The following NHSL3 variants were observed in gnomAD, a reference collection of about 807,000 sequenced individuals.
NHSL3 encodes NHS like 3, also known as NHS-like protein 3.
the NHSL3 span, among the ~76,000 whole-genome samples, chr1:32,762,879 C>T: frequency 6.6e-5 from 10 of 151,996 alleles, no homozygotes; most frequent in Admixed American, 2.0e-4. Context: ...TGGGCCACCA[C>T]GCCCGGCCCG....
the NHSL3 span, among the ~76,000 whole-genome samples, chr1:32,750,010 C>T: frequency 1.3e-5 from 2 of 152,162 alleles, no homozygotes; most frequent in East Asian, 3.8e-4. Context: ...CTCAGCTGCT[C>T]ATGGCCTGTC....
the NHSL3 span, chr1:32,742,269 C>A: frequency 1.7e-6 from 2 of 1,207,600 alleles, no homozygotes; most frequent in Non-Finnish European, 2.1e-6. Context: ...GGTCCGCGCG[C>A]GGCGTGTTGG....
At chr1:32,754,300 C>T in the NHSL3 span, 2 of 577,488 alleles carry the variant, frequency 3.5e-6, no homozygotes, top group Non-Finnish European at 6.4e-6. Flanking sequence ...CGGGAATCCC[C>T]GCGCAGACCC....
At chr1:32,754,078 C>T in the NHSL3 span, 1 of 659,950 alleles carries the variant, frequency 1.5e-6, no homozygotes, top group Admixed American at 2.4e-5. Flanking sequence ...CGCGCCGGCT[C>T]CCGCACCCGC....
the NHSL3 span, chr1:32,773,272 A>C: frequency 3.2e-5 from 8 of 250,072 alleles, no homozygotes; most frequent in Non-Finnish European, 6.3e-5. Flanking sequence ...ACTATAGTCC[A>C]GAATCAAAGC....
the NHSL3 span, chr1:32,768,607 G>A: frequency 5.0e-6 from 8 of 1,607,406 alleles, no homozygotes; most frequent in East Asian, 1.6e-4. Flanking sequence ...CCAATGGGGA[G>A]CCTTGAGGAG....
chr1:32,762,095 C>T, the NHSL3 span, among the ~76,000 whole-genome samples: 1 of 152,204 alleles, frequency 6.6e-6, no homozygotes, highest in Non-Finnish European at 1.5e-5. Flanking sequence ...AAAGTGCCTA[C>T]TTCTTAGGAT....
chr1:32,753,396 A>G, the NHSL3 span, among the ~76,000 whole-genome samples: 4 of 151,784 alleles, frequency 2.6e-5, no homozygotes, highest in Admixed American at 2.6e-4. Context: ...GAGGCAGGAG[A>G]ATCGTTTGAA....
chr1:32,756,470 A>ACCCCCCCCCCCCC, the NHSL3 span, among the ~76,000 whole-genome samples: 8 of 50,488 alleles, frequency 1.6e-4, no homozygotes, highest in Admixed American at 3.4e-4. Flanking sequence ...ACATGACGAG[A>ACCCCCCCCCCCCC]CCCCCCCCCC....
chr1:32,746,517 C>A, the NHSL3 span, among the ~76,000 whole-genome samples: 1 of 152,178 alleles, frequency 6.6e-6, no homozygotes, highest in Non-Finnish European at 1.5e-5. Flanking sequence ...TCATCAAAGT[C>A]TTCCTATGTC....
the NHSL3 span, chr1:32,772,246 C>A: frequency 6.2e-7 from 1 of 1,604,054 alleles, no homozygotes; most frequent in Non-Finnish European, 8.5e-7. Context: ...TAAGGCTCCC[C>A]CACCTGTGGC....
chr1:32,752,026 T>C, the NHSL3 span, among the ~76,000 whole-genome samples: 1 of 152,200 alleles, frequency 6.6e-6, no homozygotes. Context: ...CTGTTCTTTT[T>C]ATGGGCCCCA....
chr1:32,749,013 A>G, the NHSL3 span, among the ~76,000 whole-genome samples: 1 of 152,182 alleles, frequency 6.6e-6, no homozygotes, highest in Non-Finnish European at 1.5e-5. Context: ...GGGATGAATA[A>G]GAGAGACAAA....
chr1:32,770,860 G>A, the NHSL3 span: 7 of 1,608,480 alleles, frequency 4.4e-6, no homozygotes, highest in African/African-American at 9.3e-5. The surrounding 1 kb of genome is among the most constrained non-coding windows in gnomAD (Gnocchi z 8.3). Flanking sequence ...CTGGGTACCT[G>A]GCTTGTCTCC....
At chr1:32,772,316 C>G in the NHSL3 span, 1 of 1,610,280 alleles carries the variant, frequency 6.2e-7, no homozygotes, top group Non-Finnish European at 8.5e-7. Context: ...CGAGCTGAGC[C>G]CCTTACTGCT....
the NHSL3 span, among the ~76,000 whole-genome samples, chr1:32,760,601 T>G: frequency 0.032 from 4,462 of 140,882 alleles, 117 homozygotes; most frequent in African/African-American, 0.072. Context: ...TTTTTTTTTT[T>G]TTTGTTTGAG....
chr1:32,743,370 TTTTGGATAAGGGCCCTGCTTCCCTGCGGC>T, the NHSL3 span, among the ~76,000 whole-genome samples: 1 of 152,112 alleles, frequency 6.6e-6, no homozygotes, highest in Non-Finnish European at 1.5e-5. Flanking sequence ...TTGATCTTCC[TTTTGGATAAGGGCCCTGCTTCCCTGCGGC>T]ACAGCCACAC....
the NHSL3 span, among the ~76,000 whole-genome samples, chr1:32,760,600 T>G: frequency 1.3e-5 from 2 of 150,654 alleles, no homozygotes; most frequent in Admixed American, 6.6e-5. Flanking sequence ...TTTTTTTTTT[T>G]TTTTGTTTGA....
chr1:32,770,275 G>A, the NHSL3 span: 21 of 1,604,588 alleles, frequency 1.3e-5, no homozygotes, highest in East Asian at 2.7e-4. This position sits in a 1 kb window ranked among gnomAD's most constrained non-coding sequence, Gnocchi z 8.3. Context: ...TACAGTGGAC[G>A]TGGTGGCCCT....
Sources: gnomAD v4.1 joint callset for allele counts (sites outside exome capture counted in the v4.1 genomes callset) on GRCh38, gnomAD v4.1.1 for gene constraint, Gnocchi (gnomAD v3.1) non-coding constraint, MANE v1.5 for transcripts, NCBI Gene and HGNC (gene_info 2026-07-23, HGNC 2026-07-21) for gene names.